ZFAND3: variants seen among roughly 807,000 people sequenced by gnomAD.
The protein encoded by ZFAND3 is AN1-type zinc finger protein 3.
In ZFAND3, 10 loss-of-function variants were observed where a neutral mutation model predicts 29.6. The observed-to-expected ratio is 0.34, with a 90% confidence interval of 0.21 to 0.57. ZFAND3 has a LOEUF of 0.57. ZFAND3 is among the 20% of genes least tolerant of loss of function. The pLI, the probability that ZFAND3 is intolerant of heterozygous loss-of-function variation, is 0.86. For synonymous variants in ZFAND3, 128 were observed against 112.6 expected, an observed-to-expected ratio of 1.14 and a Z score of -0.87; for missense variants, 230 against 304.5, an observed-to-expected ratio of 0.76 and a Z score of 1.82.
intron 2 of ZFAND3, among the ~76,000 whole-genome samples, chr6:38,006,798 G>T (rs537448723): frequency 1.3e-5 from 2 of 151,508 alleles, no homozygotes; most frequent in South Asian, 4.2e-4. Context: ...TCTAAATATT[G>T]CACCCCTGCC....
chr6:37,953,594 G>T (rs1409687333), intron 2 of ZFAND3, among the ~76,000 whole-genome samples: 2 of 151,618 alleles, frequency 1.3e-5, no homozygotes, highest in Non-Finnish European at 2.9e-5. Flanking sequence ...TGGGACTCAG[G>T]CATGTGGCAC....
intron 2 of ZFAND3, 45 bp from the exon 3 acceptor site, chr6:38,061,548 A>T: frequency 6.2e-7 from 1 of 1,605,934 alleles, no homozygotes; most frequent in Admixed American, 1.7e-5. Context: ...TAATCCTCAG[A>T]GACTGTGAAC....
chr6:37,835,068 T>C (rs1418544929), intron 1 of ZFAND3, among the ~76,000 whole-genome samples: 1 of 152,198 alleles, frequency 6.6e-6, no homozygotes, highest in Non-Finnish European at 1.5e-5. Flanking sequence ...TCATTGGCCA[T>C]TTGGCTAAAC....
chr6:38,122,415 CTG>C (rs1039089164), intron 5 of ZFAND3, among the ~76,000 whole-genome samples: 6 of 152,180 alleles, frequency 3.9e-5, no homozygotes, highest in African/African-American at 1.4e-4. Context: ...CATTTTTGAT[CTG>C]TGGTCGTTGA....
intron 2 of ZFAND3, among the ~76,000 whole-genome samples, chr6:37,964,206 A>T (rs1295840675): frequency 2.0e-5 from 3 of 152,214 alleles, no homozygotes; most frequent in Non-Finnish European, 4.4e-5. Context: ...TAAAAGAGAT[A>T]TGAACTTTGA....
chr6:38,144,189 A>ATATTATATATATATATAT (rs1766029602), intron 5 of ZFAND3, among the ~76,000 whole-genome samples: 1 of 41,772 alleles, frequency 2.4e-5, no homozygotes, highest in African/African-American at 1.4e-4. Flanking sequence ...TATATAATAT[A>ATATTATATATATATATAT]TATATATATA....
At chr6:37,910,472 C>T (rs1765499585) in intron 1 of ZFAND3, among the ~76,000 whole-genome samples, 1 of 152,072 alleles carries the variant, frequency 6.6e-6, no homozygotes, top group Non-Finnish European at 1.5e-5. Context: ...TTAATTAAGA[C>T]TTTTTAAATC....
Position 37,929,968 on chromosome 6 carries a change from G to A in ZFAND3, c.81G>A (p.Lys27=). ...TTTTTGTTTGCCCCAGGTCCAGCAA[G>A]ACTATGAATCTCTGTTCCAAATGCT... is the stretch of plus-strand genomic sequence containing the variant. The part of the protein sequence containing the change: ...RCPCGFWGSS[K]TMNLCSKCFA... Residue 27 remains lysine, a synonymous_variant, in exon 2 of 6, where the codon AAG becomes AAA. Coordinates refer to ENST00000287218, the MANE Select transcript of ZFAND3 (RefSeq NM_021943.3). The A allele has an allele frequency of 6.3e-7, 1 of 1,597,208 alleles. No homozygotes were observed. Among genetic ancestry groups the A allele is most frequent in the Non-Finnish European group, 8.5e-7 (1 of 1,173,470 alleles).
intron 1 of ZFAND3, among the ~76,000 whole-genome samples, chr6:37,873,082 C>T (rs1764723971): frequency 1.3e-5 from 2 of 151,978 alleles, no homozygotes; most frequent in Admixed American, 1.3e-4. Context: ...CACGGTGAAA[C>T]ACCTTCTCTA....
At chr6:38,043,225 C>G (rs1763825820) in intron 2 of ZFAND3, among the ~76,000 whole-genome samples, 1 of 151,948 alleles carries the variant, frequency 6.6e-6, no homozygotes, top group South Asian at 2.1e-4. Flanking sequence ...TTCTTCCTCC[C>G]TCCGTATCTC....
intron 2 of ZFAND3, among the ~76,000 whole-genome samples, chr6:37,938,158 G>T (rs1761737609): frequency 6.6e-6 from 1 of 152,008 alleles, no homozygotes; most frequent in Non-Finnish European, 1.5e-5. Flanking sequence ...ATGTTTAAAT[G>T]GTATTTTGTA....
chr6:38,029,833 A>T (rs1200247700), intron 2 of ZFAND3, among the ~76,000 whole-genome samples: 1 of 152,140 alleles, frequency 6.6e-6, no homozygotes, highest in Non-Finnish European at 1.5e-5. Flanking sequence ...ATCTTTGCAT[A>T]TGCTTTAAAC....
chr6:37,993,581 C>T (rs1259803332), intron 2 of ZFAND3, among the ~76,000 whole-genome samples: 1 of 152,136 alleles, frequency 6.6e-6, no homozygotes, highest in African/African-American at 2.4e-5. Flanking sequence ...CCCACCTTGG[C>T]CTCCCAAAGT....
chr6:37,986,048 T>C (rs1762665844), intron 2 of ZFAND3, among the ~76,000 whole-genome samples: 1 of 152,234 alleles, frequency 6.6e-6, no homozygotes, highest in African/African-American at 2.4e-5. Flanking sequence ...AACACAAAAG[T>C]AGACATTGTC....
intron 1 of ZFAND3, among the ~76,000 whole-genome samples, chr6:37,843,525 T>C (rs191566293): frequency 8.0e-4 from 122 of 152,210 alleles, no homozygotes; most frequent in African/African-American, 2.8e-3. Context: ...TTGCTTGTTA[T>C]ACAGTTTTGT....
At chr6:37,917,150 G>A (rs1761274696) in intron 1 of ZFAND3, among the ~76,000 whole-genome samples, 1 of 152,174 alleles carries the variant, frequency 6.6e-6, no homozygotes, top group Non-Finnish European at 1.5e-5. Context: ...AGTATATATA[G>A]AGTTCAGTAC....
intron 4 of ZFAND3, among the ~76,000 whole-genome samples, chr6:38,108,213 A>G (rs529744119): frequency 6.6e-6 from 1 of 152,188 alleles, no homozygotes; most frequent in Non-Finnish European, 1.5e-5. Context: ...ATTTTGATGT[A>G]TGTAGCTTAT....
At chr6:38,048,702 T>C (rs955410386) in intron 2 of ZFAND3, among the ~76,000 whole-genome samples, 5 of 151,846 alleles carry the variant, frequency 3.3e-5, no homozygotes, top group African/African-American at 4.8e-5. Flanking sequence ...ACACAGGTTT[T>C]AACGTTTTTG....
chr6:37,874,782 C>T (rs1024897215), intron 1 of ZFAND3, among the ~76,000 whole-genome samples: 4 of 152,120 alleles, frequency 2.6e-5, no homozygotes, highest in African/African-American at 9.7e-5. Context: ...CGTTTTGTTG[C>T]CCAGGCTGGT....
Sources: gnomAD v4.1 joint callset for allele counts (sites outside exome capture counted in the v4.1 genomes callset) on GRCh38, gnomAD v4.1.1 for gene constraint, MANE v1.5 for transcripts, NCBI Gene and HGNC (gene_info 2026-07-23, HGNC 2026-07-21) for gene names.